Variants in NAALADL2 observed in about 807,000 individuals in gnomAD.
NAALADL2 encodes the protein inactive N-acetylated-alpha-linked acidic dipeptidase-like protein 2.
NAALADL2 carries 76 observed loss-of-function variants against 87.2 expected under a neutral mutation model. The ratio of observed to expected loss-of-function variants is 0.87; its 90% confidence interval spans 0.72 to 1.05. NAALADL2 has a LOEUF of 1.05. Among genes scored for constraint, NAALADL2 ranks in the 50% least tolerant of loss-of-function variants. NAALADL2 has a pLI of 0.00. For synonymous variants in NAALADL2, 354 were observed against 331.0 expected (o/e 1.07, Z -0.75); for missense variants, 1,089 against 945.8 (o/e 1.15, Z -1.99).
At chr3:175,057,753 C>A (rs115327452) in intron 1 of NAALADL2, among the ~76,000 whole-genome samples, 460 of 152,276 alleles carry the variant, frequency 3.0e-3, no homozygotes, top group Non-Finnish European at 5.5e-3. Flanking sequence ...GAATCCAGAT[C>A]GTTGGCTGTT....
At chr3:174,612,636 C>T (rs940219299) in intron 2 of NAALADL2, among the ~76,000 whole-genome samples, 8 of 152,042 alleles carry the variant, frequency 5.3e-5, no homozygotes, top group African/African-American at 1.9e-4. Context: ...CTACTTGATT[C>T]TTTTTAATTA....
chr3:175,074,545 G>A (rs974926282), intron 1 of NAALADL2, among the ~76,000 whole-genome samples: 6 of 151,748 alleles, frequency 4.0e-5, no homozygotes, highest in African/African-American at 1.2e-4. Context: ...GGAGTACATC[G>A]AGTATTATTT....
intron 1 of NAALADL2, among the ~76,000 whole-genome samples, chr3:174,958,514 A>G (rs985843435): frequency 1.7e-4 from 26 of 152,122 alleles, no homozygotes; most frequent in Non-Finnish European, 2.4e-4. Context: ...TATTACTCCA[A>G]TAGTTATTGA....
chr3:174,816,609 C>T (rs1720850380), intron 3 of NAALADL2, among the ~76,000 whole-genome samples: 1 of 150,068 alleles, frequency 6.7e-6, no homozygotes, highest in South Asian at 2.1e-4. Context: ...TATGAATTAC[C>T]AATGAGGTCG....
At chr3:174,467,216 C>G (rs1034197349) in intron 1 of NAALADL2, among the ~76,000 whole-genome samples, 1 of 152,112 alleles carries the variant, frequency 6.6e-6, no homozygotes, top group African/African-American at 2.4e-5. Flanking sequence ...TTTAACATGA[C>G]ATTTTCATTT....
At chr3:174,890,536 A>G (rs1730738387) in intron 1 of NAALADL2, among the ~76,000 whole-genome samples, 1 of 152,226 alleles carries the variant, frequency 6.6e-6, no homozygotes, top group Admixed American at 6.5e-5. Flanking sequence ...AAATACAGAC[A>G]GAACAATTGA....
At chr3:174,797,292 G>GTTTTTTTTTTTTTTTTTTTTTTTTT (rs1468962061) in intron 3 of NAALADL2, among the ~76,000 whole-genome samples, 1 of 109,644 alleles carries the variant, frequency 9.1e-6, no homozygotes, top group African/African-American at 3.8e-5. Flanking sequence ...TTTTTCTTTT[G>GTTTTTTTTTTTTTTTTTTTTTTTTT]TTTTTCTTTT....
intron 2 of NAALADL2, among the ~76,000 whole-genome samples, chr3:175,231,696 A>G (rs975276178): frequency 3.3e-5 from 5 of 152,130 alleles, no homozygotes; most frequent in Admixed American, 1.3e-4. Context: ...AGTGTAGAGG[A>G]GCAAACAAAA....
intron 13 of NAALADL2, among the ~76,000 whole-genome samples, chr3:175,779,540 T>C (rs1750729428): frequency 6.6e-6 from 1 of 152,048 alleles, no homozygotes; most frequent in Non-Finnish European, 1.5e-5. Flanking sequence ...ATTAAGCATA[T>C]AAACTTCAGT....
intron 1 of NAALADL2, among the ~76,000 whole-genome samples, chr3:174,451,413 T>C (rs1715470202): frequency 6.6e-6 from 1 of 152,222 alleles, no homozygotes; most frequent in African/African-American, 2.4e-5. Context: ...TTTCATGTAA[T>C]TGTTATCAAG....
At chr3:175,382,699 C>T (rs965772340) in intron 5 of NAALADL2, among the ~76,000 whole-genome samples, 11 of 101,584 alleles carry the variant, frequency 1.1e-4, no homozygotes, top group South Asian at 3.3e-4. Context: ...ATGAAGGTTC[C>T]GACTTCTCCA....
At chr3:175,459,009 C>T (rs937568250) in intron 6 of NAALADL2, among the ~76,000 whole-genome samples, 3 of 152,048 alleles carry the variant, frequency 2.0e-5, no homozygotes, top group Non-Finnish European at 4.4e-5. Context: ...TACACATGTG[C>T]CCACACACAC....
At chr3:175,446,381 A>G (rs921661537) in intron 5 of NAALADL2, among the ~76,000 whole-genome samples, 1 of 152,070 alleles carries the variant, frequency 6.6e-6, no homozygotes, top group African/African-American at 2.4e-5. Context: ...AGCCAAGATT[A>G]CAGGCGTGCA....
intron 1 of NAALADL2, among the ~76,000 whole-genome samples, chr3:174,866,402 A>G (rs1024494619): frequency 1.3e-5 from 2 of 151,864 alleles, no homozygotes; most frequent in African/African-American, 4.8e-5. Context: ...TTTCAAACCT[A>G]TAGTAAATCT....
intron 1 of NAALADL2, among the ~76,000 whole-genome samples, chr3:174,990,714 C>T (rs1316811804): frequency 1.3e-5 from 2 of 152,070 alleles, no homozygotes; most frequent in South Asian, 2.1e-4. Context: ...CATTGCTGTC[C>T]TAGATTAGTG....
intron 9 of NAALADL2, among the ~76,000 whole-genome samples, chr3:175,513,278 C>T (rs1311154303): frequency 6.6e-6 from 1 of 151,980 alleles, no homozygotes; most frequent in Non-Finnish European, 1.5e-5. Context: ...ACAGTGTAGC[C>T]ATGAGCCATA....
At position 174,769,522 on chromosome 3, in the gene NAALADL2, G is replaced by A. The variant is rs150291119; in HGVS notation, c.-9+31776G>A. ...TACAAATATTTTAAAGGGAGAAAGCGTCTGGATTTATTAAGGACAATAGCT... is the reference window on the plus strand; with the variant it reads ...TACAAATATTTTAAAGGGAGAAAGCATCTGGATTTATTAAGGACAATAGCT... On this transcript the variant is annotated intron_variant, in intron 3 of 3. Coordinates refer to the NAALADL2 transcript ENST00000434257. Among the ~76,000 whole-genome samples, 860 of 151,746 alleles carry A rather than the reference G, an allele frequency of 5.7e-3. 3 individuals are homozygous for A. The highest frequency in any genetic ancestry group is 0.024 in the Middle Eastern group (7 of 292).
At chr3:174,801,857 TA>T (rs1718872020) in intron 3 of NAALADL2, among the ~76,000 whole-genome samples, 2 of 151,972 alleles carry the variant, frequency 1.3e-5, no homozygotes, top group African/African-American at 4.8e-5. Context: ...CATGATAGCT[TA>T]AGAGGTCATG....
intron 2 of NAALADL2, among the ~76,000 whole-genome samples, chr3:174,703,911 A>C (rs1416339350): frequency 2.0e-5 from 3 of 152,140 alleles, no homozygotes; most frequent in Non-Finnish European, 4.4e-5. Flanking sequence ...TAGGGTAGGA[A>C]AATTTTTTCA....
Sources: allele counts gnomAD v4.1 joint callset (sites outside exome capture counted in the v4.1 genomes callset), GRCh38; gene constraint gnomAD v4.1.1; transcripts MANE v1.5; gene names NCBI Gene and HGNC (gene_info 2026-07-23, HGNC 2026-07-21).